Variants in CTNNA2 observed in about 807,000 individuals in gnomAD.
The protein encoded by CTNNA2 is catenin alpha 2.
CTNNA2 carries 42 observed loss-of-function variants against 101.0 expected under a neutral mutation model. The ratio of observed to expected loss-of-function variants is 0.42; its 90% CI spans 0.32 to 0.54. The LOEUF is 0.54. Ranked by LOEUF, CTNNA2 falls within the 20% of genes least tolerant of loss-of-function variation. The probability of loss-of-function intolerance (pLI) is 0.14; values close to 1 mark genes in which losing one functional copy is unlikely to be tolerated. For missense variants in CTNNA2, 871 were observed against 1,223.1 expected, an observed-to-expected ratio of 0.71 and a Z score of 4.29; for synonymous variants, 450 against 456.4, an observed-to-expected ratio of 0.99 and a Z score of 0.18.
chr2:80,529,206 G>C (rs1254776002), intron 9 of CTNNA2, among the ~76,000 whole-genome samples: 1 of 152,134 alleles, frequency 6.6e-6, no homozygotes, highest in African/African-American at 2.4e-5. Flanking sequence ...TTTCAGATTT[G>C]TAGGCCACAT....
In CTNNA2 at chr2:79,999,713, T is replaced by C. The variant is rs548605800; in HGVS notation, c.1056+89916T>C. 1.2e-4 allele frequency among the ~76,000 whole-genome samples: 19 copies of C among 152,336 alleles called. No homozygotes were observed. In the East Asian group the frequency reaches 2.9e-3, roughly 23 times the overall value. Reference sequence around the variant, plus strand: ...TTTACTCATTTAGTCATTCAACAAATATTTATTGCATCTCCTATGAGCCCA... The same window carrying C: ...TTTACTCATTTAGTCATTCAACAAACATTTATTGCATCTCCTATGAGCCCA... On this transcript the variant is annotated intron_variant, in intron 7 of 18. Coordinates refer to ENST00000402739, the MANE Select transcript of CTNNA2 (RefSeq NM_001282597.3).
intron 1 of CTNNA2, among the ~76,000 whole-genome samples, chr2:79,589,298 A>G (rs1463438767): frequency 6.6e-6 from 1 of 152,194 alleles, no homozygotes. Flanking sequence ...GTTCTGTATA[A>G]TAAAATAGAT....
At chr2:80,584,351 G>C (rs1299653188) in intron 14 of CTNNA2, among the ~76,000 whole-genome samples, 1 of 146,638 alleles carries the variant, frequency 6.8e-6, no homozygotes, top group Non-Finnish European at 1.5e-5. Context: ...TCAAATTCTG[G>C]AATTAAAGTA....
At chr2:80,396,897 G>T (rs1678068042) in intron 8 of CTNNA2, among the ~76,000 whole-genome samples, 1 of 152,104 alleles carries the variant, frequency 6.6e-6, no homozygotes, top group East Asian at 1.9e-4. Context: ...ACCTGACAAA[G>T]GTCTCAATTC....
chr2:80,447,441 T>C (rs1683163072), intron 9 of CTNNA2, among the ~76,000 whole-genome samples: 1 of 152,202 alleles, frequency 6.6e-6, no homozygotes, highest in Non-Finnish European at 1.5e-5. Context: ...CTTCTTGGTA[T>C]GGGGTTGTTG....
chr2:79,452,098 T>A (rs1452465568), intron 4 of CTNNA2, among the ~76,000 whole-genome samples: 1 of 152,138 alleles, frequency 6.6e-6, no homozygotes, highest in Non-Finnish European at 1.5e-5. Context: ...TTCTGGCTAC[T>A]TAACAACATT....
chr2:79,461,870 A>C (rs1288895713), intron 4 of CTNNA2, among the ~76,000 whole-genome samples: 3 of 152,110 alleles, frequency 2.0e-5, no homozygotes, highest in Admixed American at 2.0e-4. Context: ...TCAGAAGATA[A>C]TTTGTGAAGA....
intron 7 of CTNNA2, among the ~76,000 whole-genome samples, chr2:80,008,198 G>A (rs944920859): frequency 1.3e-5 from 2 of 152,156 alleles, no homozygotes; most frequent in African/African-American, 4.8e-5. Context: ...CAAAGCTTAT[G>A]TACTTTTGCA....
At chr2:79,846,554 G>C (rs1036858012) in intron 3 of CTNNA2, among the ~76,000 whole-genome samples, 10 of 152,154 alleles carry the variant, frequency 6.6e-5, no homozygotes, top group African/African-American at 2.4e-4. Flanking sequence ...ATATACAAAG[G>C]CTTCAACTAT....
intron 4 of CTNNA2, among the ~76,000 whole-genome samples, chr2:79,409,815 A>C (rs1308531529): frequency 7.3e-6 from 1 of 137,896 alleles, no homozygotes; most frequent in Admixed American, 7.3e-5. Flanking sequence ...ACTTTAAAGT[A>C]GTTTTTTTCC....
chr2:80,593,129 C>T (rs1204761962), intron 15 of CTNNA2, among the ~76,000 whole-genome samples: 1 of 152,068 alleles, frequency 6.6e-6, no homozygotes, highest in Non-Finnish European at 1.5e-5. Context: ...ATGATTGCTC[C>T]TGCATTAAGA....
intron 7 of CTNNA2, among the ~76,000 whole-genome samples, chr2:80,276,674 A>G (rs573731423): frequency 3.5e-4 from 53 of 151,918 alleles, no homozygotes; most frequent in African/African-American, 1.2e-3. Context: ...AGGAGGAGGA[A>G]GAAGAAGAAG....
At chr2:80,017,645 AG>A (rs1694252199) in intron 7 of CTNNA2, among the ~76,000 whole-genome samples, 1 of 151,954 alleles carries the variant, frequency 6.6e-6, no homozygotes, top group African/African-American at 2.4e-5. Context: ...AAGTCTTCCC[AG>A]GGTTCTAATG....
At chr2:79,309,325 T>C (rs1676315222) in intron 2 of CTNNA2, among the ~76,000 whole-genome samples, 7 of 152,160 alleles carry the variant, frequency 4.6e-5, no homozygotes, top group Admixed American at 3.9e-4. Context: ...TATTAAATCC[T>C]CAGTCAAAAA....
At chr2:79,812,731 A>G (rs931575138) in intron 3 of CTNNA2, among the ~76,000 whole-genome samples, 5 of 152,110 alleles carry the variant, frequency 3.3e-5, no homozygotes, top group Non-Finnish European at 7.4e-5. Flanking sequence ...GTACTTTGTC[A>G]CCCAGATTTC....
At chr2:79,611,957 T>C (rs1678305076) in intron 1 of CTNNA2, among the ~76,000 whole-genome samples, 1 of 152,100 alleles carries the variant, frequency 6.6e-6, no homozygotes, top group Non-Finnish European at 1.5e-5. Context: ...CTTTCTCCCA[T>C]CTAGCAGATC....
intron 2 of CTNNA2, among the ~76,000 whole-genome samples, chr2:79,665,047 C>G (rs1682315800): frequency 6.6e-6 from 1 of 152,086 alleles, no homozygotes; most frequent in Non-Finnish European, 1.5e-5. Flanking sequence ...ATTTGTCTTT[C>G]TTTTTGTTTC....
intron 2 of CTNNA2, among the ~76,000 whole-genome samples, chr2:79,304,959 A>T (rs1043352652): frequency 6.6e-6 from 1 of 152,114 alleles, no homozygotes; most frequent in Non-Finnish European, 1.5e-5. Context: ...ATTCAATGAG[A>T]TCTTCATCTT....
At chr2:79,521,107 GAT>G (rs59797728) in intron 1 of CTNNA2, among the ~76,000 whole-genome samples, 21 of 105,300 alleles carry the variant, frequency 2.0e-4, no homozygotes, top group South Asian at 3.2e-4. Context: ...CAAAGCTGCT[GAT>G]ATATATATAT....
Sources: gnomAD v4.1 joint callset for allele counts (sites outside exome capture counted in the v4.1 genomes callset) on GRCh38, gnomAD v4.1.1 for gene constraint, MANE v1.5 for transcripts, NCBI Gene and HGNC (gene_info 2026-07-23, HGNC 2026-07-21) for gene names.